Variants in PIGK observed in about 807,000 individuals in gnomAD.
PIGK encodes phosphatidylinositol glycan anchor biosynthesis class K.
A neutral mutation model predicts 50.6 loss-of-function variants in PIGK; 42 were observed. The observed-to-expected ratio is 0.83, with a 90% CI of 0.65 to 1.07. PIGK has a LOEUF of 1.07. Among genes scored for constraint, PIGK ranks in the 50% least tolerant of loss-of-function variants. The pLI is 0.00. For synonymous variants in PIGK, 151 were observed against 156.0 expected (o/e 0.97, Z 0.24); for missense variants, 448 against 488.7 (o/e 0.92, Z 0.78).
intron 10 of PIGK, among the ~76,000 whole-genome samples, chr1:77,119,887 AT>A: frequency 1.7e-5 from 1 of 60,130 alleles, no homozygotes; most frequent in African/African-American, 2.0e-4. Flanking sequence ...CTATCCATTT[AT>A]CTATACGTTA....
chr1:77,183,153 T>C (rs1243191198), intron 3 of PIGK, among the ~76,000 whole-genome samples: 4 of 152,176 alleles, frequency 2.6e-5, no homozygotes, highest in Non-Finnish European at 4.4e-5. Flanking sequence ...AGGCGTCTAT[T>C]GTTAAACTGA....
chr1:77,154,588 T>A lies in PIGK; in HGVS notation c.847A>T (p.Thr283Ser), dbSNP rs770702172. The change falls in exon 9 of 11, where the codon ACT becomes TCT. Residue 283 changes from threonine to serine, a missense_variant. Coordinates refer to ENST00000370812, the MANE Select transcript of PIGK (RefSeq NM_005482.3). ...QVCPKSLCVS[T>S]PGHRTDLFQR... ...AAAAGATCAGTGCGATGTCCAGGAG[T>A]AGACACACACAGACTTTTGGGACAT... 1 of 1,612,662 alleles carries A rather than the reference T, an allele frequency of 6.2e-7. No homozygotes were observed. The highest frequency in any genetic ancestry group is 8.5e-7 in the Non-Finnish European group (1 of 1,178,978).
intron 3 of PIGK, among the ~76,000 whole-genome samples, chr1:77,198,325 T>C (rs574307638): frequency 7.2e-5 from 11 of 152,208 alleles, no homozygotes; most frequent in African/African-American, 2.6e-4. Context: ...TCACGTTACC[T>C]CTCAATAATA....
In PIGK at chr1:77,122,279, T is replaced by C; in HGVS notation, c.1067A>G (p.His356Arg). The C allele has an allele frequency of 6.4e-7, 1 of 1,563,756 alleles. No homozygotes were observed. The highest frequency in any genetic ancestry group is 8.8e-7 in the Non-Finnish European group (1 of 1,135,284). ...AGAATAAAATGAAATGCAAACCTGG[T>C]GTATTATCTGAGCTACAGGAAGTTG... ...AEQLPVAQII[H>R]QKPKLKDWHP... Residue 356 changes from histidine (H) to arginine (R), a missense_variant, in exon 10 of 11, where the codon CAC becomes CGC. Physicochemically the swap from His to Arg is conservative, Grantham distance 29 (BLOSUM62 0). Coordinates refer to ENST00000370812, the MANE Select transcript of PIGK (RefSeq NM_005482.3).
At chr1:77,106,217 A>C (rs990219691) in intron 10 of PIGK, among the ~76,000 whole-genome samples, 8 of 152,156 alleles carry the variant, frequency 5.3e-5, no homozygotes, top group African/African-American at 1.9e-4. Context: ...CCTTGTTTTT[A>C]GGCAGAATTT....
intron 7 of PIGK, 28 bp from the exon 8 acceptor site, chr1:77,161,433 C>T: frequency 8.0e-7 from 1 of 1,249,872 alleles, no homozygotes; most frequent in Non-Finnish European, 1.2e-6. Flanking sequence ...AAAAGTATTT[C>T]TAACAGTATC....
chr1:77,216,594 A>G (rs1656570756), intron 1 of PIGK, among the ~76,000 whole-genome samples: 1 of 151,964 alleles, frequency 6.6e-6, no homozygotes, highest in Non-Finnish European at 1.5e-5. Context: ...ATATAGAATA[A>G]TAACCTGAAC....
In PIGK at chr1:77,122,327, A is replaced by G. The variant is rs1417598367; in HGVS notation, c.1019T>C (p.Met340Thr). 3.1e-6 allele frequency: 5 copies of G among 1,606,272 alleles called. No homozygotes were observed. Among genetic ancestry groups the G allele is most frequent in the African/African-American group, 1.3e-5 (1 of 74,754 alleles). Residue 340 changes from methionine to threonine, a missense_variant, in exon 10 of 11, where the codon ATG (methionine) becomes ACG (threonine). Transcript: ENST00000370812. ...TTGTTCAGCATATTTCAGAGGTTCCATTAGTTTCTCATCCATCTGGTCTTC... is the reference window on the plus strand; with the variant it reads ...TTGTTCAGCATATTTCAGAGGTTCCGTTAGTTTCTCATCCATCTGGTCTTC... ...YKEDQMDEKL[M>T]EPLKYAEQLP...
rs181403922 is a variant in PIGK at position 77,096,558 on chromosome 1, T to C, written c.1072-4068A>G. ...ACTTCCAGCTACAGAAGAGCCGAGCTTCCCTCCAGCTAATAACCAGCCAAC... is the reference window on the plus strand; with the variant it reads ...ACTTCCAGCTACAGAAGAGCCGAGCCTCCCTCCAGCTAATAACCAGCCAAC... On this transcript the variant is annotated intron_variant, in intron 10 of 10. Transcript: ENST00000370812. Among the ~76,000 whole-genome samples, 158 of 152,272 alleles carry C rather than the reference T, an allele frequency of 1.0e-3. 1 individual carries two copies. Among genetic ancestry groups the C allele is most frequent in the African/African-American group, 3.6e-3 (149 of 41,568 alleles).
rs1428117359 is a variant in PIGK, at chr1:77,122,272, A to G, written c.1071+3T>C. The G allele has an allele frequency of 1.3e-6, 2 of 1,547,160 alleles. No homozygotes were observed. Among genetic ancestry groups the G allele is most frequent in the Non-Finnish European group, 1.8e-6 (2 of 1,122,712 alleles). ...TTTCAAAAGAATAAAATGAAATGCA[A>G]ACCTGGTGTATTATCTGAGCTACAG... On this transcript the variant is annotated splice_donor_region_variant and intron_variant, in intron 10 of 10. Transcript: ENST00000370812.
At chr1:77,214,050 A>G (rs922946856) in intron 1 of PIGK, among the ~76,000 whole-genome samples, 7 of 152,182 alleles carry the variant, frequency 4.6e-5, no homozygotes, top group African/African-American at 1.4e-4. Context: ...AAAGTCCCTC[A>G]ATGAAGAAAA....
chr1:77,129,845 C>T (rs1654327605), intron 9 of PIGK, among the ~76,000 whole-genome samples: 1 of 151,836 alleles, frequency 6.6e-6, no homozygotes, highest in Non-Finnish European at 1.5e-5. Context: ...TTAAATTTTG[C>T]TAGAAACAAG....
chr1:77,170,985 T>C lies in PIGK; in HGVS notation c.240-1590A>G, dbSNP rs769546498. ...CAAAGATCAGATCTTCAGCTGTTAC[T>C]GATTCATTTTCACAGAATAGTGAGT... is the stretch of plus-strand genomic sequence containing the variant. On this transcript the variant is annotated intron_variant, in intron 3 of 10. Coordinates refer to ENST00000370812, the MANE Select transcript of PIGK (RefSeq NM_005482.3). Among the ~76,000 whole-genome samples the C allele has an allele frequency of 2.9e-4, 44 of 152,364 alleles. 1 individual carries two copies. In the Middle Eastern group the frequency reaches 0.01, roughly 35 times the overall value.
At chr1:77,169,196 C>A in intron 4 of PIGK, 64 bp downstream of exon 4, 1 of 1,030,620 alleles carries the variant, frequency 9.7e-7, no homozygotes, top group Non-Finnish European at 1.4e-6. Context: ...TTTATTCTGC[C>A]ATTGTTTTAG....
chr1:77,091,090 A>C lies in PIGK; in HGVS notation c.*1284T>G, dbSNP rs1257339161. Reference sequence around the variant, plus strand: ...AATTATAAACAAAATTTAAAAAAAAATCTTTGCACTGAATAAAGATGAACA... The same window carrying C: ...AATTATAAACAAAATTTAAAAAAAACTCTTTGCACTGAATAAAGATGAACA... On this transcript the variant is annotated 3_prime_UTR_variant, in exon 11 of 11. Coordinates refer to ENST00000370812, the MANE Select transcript of PIGK (RefSeq NM_005482.3). 3 of 152,210 alleles carry C rather than the reference A, an allele frequency of 2.0e-5. No individual in the cohort carries two copies. The highest frequency in any genetic ancestry group is 7.2e-5 in the African/African-American group (3 of 41,460). 9.4% of individuals were successfully genotyped at this position (152,210 alleles called of 1,614,324 possible). A position where few individuals can be genotyped will look rare whatever the true frequency, so the allele number is the denominator to read the frequency against.
At chr1:77,193,245 A>ATGTGTGTGTG (rs56987496) in intron 3 of PIGK, among the ~76,000 whole-genome samples, 7,527 of 144,776 alleles carry the variant, frequency 0.052, 297 homozygotes, top group African/African-American at 0.1. Context: ...TGGCATGAGA[A>ATGTGTGTGTG]TGTGTGTGTG....
chr1:77,142,120 T>A (rs556176120), intron 9 of PIGK, among the ~76,000 whole-genome samples: 224 of 152,282 alleles, frequency 1.5e-3, no homozygotes, highest in African/African-American at 5.1e-3. Context: ...TGAAATTGAG[T>A]TGTTTTTTGT....
chr1:77,141,694 T>G (rs989891287), intron 9 of PIGK, among the ~76,000 whole-genome samples: 6 of 152,134 alleles, frequency 3.9e-5, no homozygotes, highest in African/African-American at 1.2e-4. Flanking sequence ...AATTACTTGA[T>G]AGTAATTTAT....
chr1:77,099,753 T>C (rs1413108087), intron 10 of PIGK, among the ~76,000 whole-genome samples: 1 of 152,212 alleles, frequency 6.6e-6, no homozygotes, highest in Non-Finnish European at 1.5e-5. Context: ...TAAGTTCATA[T>C]TAAAGCATAT....
Sources: gnomAD v4.1 joint callset for allele counts (sites outside exome capture counted in the v4.1 genomes callset) on GRCh38, gnomAD v4.1.1 for gene constraint, MANE v1.5 for transcripts, NCBI Gene and HGNC (gene_info 2026-07-23, HGNC 2026-07-21) for gene names.